The following REV3L variants were observed in gnomAD, a reference collection of about 807,000 sequenced individuals.
The protein encoded by REV3L is REV3 like, DNA directed polymerase zeta catalytic subunit.
A neutral mutation model predicts 299.4 loss-of-function variants in REV3L; 69 were observed. That is an observed-to-expected ratio of 0.23 (90% CI 0.19 to 0.28). The LOEUF (loss-of-function observed/expected upper bound fraction) is 0.28. REV3L is among the 10% of genes least tolerant of loss of function. The probability of loss-of-function intolerance (pLI) is 1.00; values close to 1 mark genes in which losing one functional copy is unlikely to be tolerated. For synonymous variants in REV3L, 1,238 were observed against 1,271.4 expected (o/e 0.97, Z 0.56); for missense variants, 3,128 against 3,693.8 (o/e 0.85, Z 3.97).
Position 111,344,063 on chromosome 6 carries a change from A to G in REV3L, c.7420-20T>C, listed in dbSNP as rs772209999. The G allele has an allele frequency of 1.3e-6, 2 of 1,505,940 alleles. No individual in the cohort carries two copies. The highest frequency in any genetic ancestry group is 1.8e-6 in the Non-Finnish European group (2 of 1,096,864). 93.3% of individuals were successfully genotyped at this position (1,505,940 alleles called of 1,614,324 possible). A position where few individuals can be genotyped will look rare whatever the true frequency, so the allele number is the denominator to read the frequency against. ...AGCCACCTAAAAAAAAAGGCAAGAC[A>G]CCATTATAATAATGCTTACATTTAT... On this transcript the variant is annotated intron_variant, in intron 20 of 31. Coordinates refer to ENST00000368802, the MANE Select transcript of REV3L (RefSeq NM_001372078.1).
chr6:111,329,566 G>C lies in REV3L; in HGVS notation c.8207C>G (p.Ser2736Cys), dbSNP rs1562130279. The C allele has an allele frequency of 6.2e-7, 1 of 1,614,094 alleles. No homozygotes were observed. Among genetic ancestry groups the C allele is most frequent in the Non-Finnish European group, 8.5e-7 (1 of 1,180,006 alleles). Reference sequence around the variant, plus strand: ...TGGCATTCTCCCAGAAAAATTAGCAGATGTATAGCCAAATGTGACATTTGC... The same window carrying C: ...TGGCATTCTCCCAGAAAAATTAGCACATGTATAGCCAAATGTGACATTTGC... ...LIANVTFGYTSANFSGRMPCI... is the reference protein window; with the variant it reads ...LIANVTFGYTCANFSGRMPCI... Residue 2736 changes from serine to cysteine, a missense_variant, in exon 25 of 32, where the codon TCT (serine) becomes TGT (cysteine). Around this residue, in one of 9 missense-constraint regions of REV3L, gnomAD observed 53 missense variants for 57.4 expected, o/e 0.92. Coordinates refer to ENST00000368802, the MANE Select transcript of REV3L (RefSeq NM_001372078.1).
At chr6:111,344,586 C>T (rs1776845438) in intron 20 of REV3L, among the ~76,000 whole-genome samples, 1 of 152,142 alleles carries the variant, frequency 6.6e-6, no homozygotes, top group African/African-American at 2.4e-5. Context: ...AATGTCTCCC[C>T]ATGTTCCAAA....
intron 1 of REV3L, among the ~76,000 whole-genome samples, chr6:111,462,419 A>C (rs1482090698): frequency 6.6e-6 from 1 of 152,210 alleles, no homozygotes; most frequent in Non-Finnish European, 1.5e-5. Context: ...CCGATCTTAA[A>C]TATGTATGGA....
intron 1 of REV3L, among the ~76,000 whole-genome samples, chr6:111,472,804 AAC>A (rs960920672): frequency 1.3e-5 from 2 of 151,972 alleles, no homozygotes; most frequent in African/African-American, 4.8e-5. Context: ...AACGACAGAA[AAC>A]ACACACACAC....
At chr6:111,308,271 C>T (rs1772566103) in intron 30 of REV3L, 1 of 453,726 alleles carries the variant, frequency 2.2e-6, no homozygotes, top group Non-Finnish European at 4.4e-6. Flanking sequence ...ATTAGGTTAG[C>T]CTCTTACAAA....
intron 1 of REV3L, among the ~76,000 whole-genome samples, chr6:111,473,097 T>C (rs1792448831): frequency 6.6e-6 from 1 of 152,220 alleles, no homozygotes; most frequent in South Asian, 2.1e-4. Context: ...ACATACCTCA[T>C]ACCATGGCCC....
At chr6:111,332,281 C>T (rs1250571735) in intron 23 of REV3L, among the ~76,000 whole-genome samples, 1 of 152,108 alleles carries the variant, frequency 6.6e-6, no homozygotes, top group Non-Finnish European at 1.5e-5. Context: ...TCATGTTAGC[C>T]AGGATGGTCT....
chr6:111,300,976 A>G (rs1419325753), intron 31 of REV3L, among the ~76,000 whole-genome samples: 2 of 152,260 alleles, frequency 1.3e-5, no homozygotes, highest in Non-Finnish European at 2.9e-5. Context: ...GAACAGAGTC[A>G]TATTTCTCTT....
intron 1 of REV3L, among the ~76,000 whole-genome samples, chr6:111,434,492 G>A (rs565536656): frequency 6.6e-5 from 10 of 151,886 alleles, no homozygotes; most frequent in South Asian, 6.2e-4. Context: ...GCTGGCGGGC[G>A]CCTGTAGTCC....
rs574664984 is a variant in REV3L, at chr6:111,318,847, G to A, written c.8352-3466C>T. 1.8e-4 allele frequency among the ~76,000 whole-genome samples: 28 copies of A among 152,126 alleles called. No individual in the cohort carries two copies. The South Asian group carries it at 4.4e-3, about 24-fold the overall frequency. On this transcript the variant is annotated intron_variant, in intron 26 of 31. Transcript: ENST00000368802. ...GCTGGGATTACAGGCATGAGCCACC[G>A]CGCCCGGCCGTATGCAACATTTAAA...
At chr6:111,307,167 CA>C (rs1015773000) in intron 31 of REV3L, among the ~76,000 whole-genome samples, 193 bp downstream of exon 31, 1 of 152,018 alleles carries the variant, frequency 6.6e-6, no homozygotes, top group African/African-American at 2.4e-5. Flanking sequence ...ATAAAAAAAA[CA>C]AAAAATAAAT....
In REV3L at chr6:111,320,731, T is replaced by C. The variant is rs1774072363; in HGVS notation, c.8351+1838A>G. 2.0e-5 allele frequency among the ~76,000 whole-genome samples: 3 copies of C among 152,274 alleles called. No individual in the cohort carries two copies. In the Middle Eastern group the frequency reaches 0.01, roughly 518 times the overall value. ...GGCATGATCATGGTTGACTACAGCC[T>C]TGAACTCCTGGGTTCAAGCGATCTT... On this transcript the variant is annotated intron_variant, in intron 26 of 31. Transcript: ENST00000368802.
chr6:111,460,533 T>C (rs923802943), intron 1 of REV3L: 2 of 152,076 alleles, frequency 1.3e-5, no homozygotes, highest in African/African-American at 4.8e-5. Flanking sequence ...TCCAGAATTC[T>C]ATATTCAGCA....
In REV3L at chr6:111,313,385, T is replaced by A; in HGVS notation, c.8571A>T (p.Thr2857=). The A allele has an allele frequency of 6.2e-7, 1 of 1,613,366 alleles. No individual in the cohort carries two copies. The highest frequency in any genetic ancestry group is 1.3e-5 in the African/African-American group (1 of 75,014). ...CAGCAGGGCAGGAATCTCTTCTGAC[T>A]GTTTCTATTCCTTTTGCATCAAATA... is the stretch of plus-strand genomic sequence containing the variant. The part of the protein sequence containing the change: ...DPVFDAKGIE[T]VRRDSCPAVS... The change falls in exon 28 of 32, where the codon ACA becomes ACT. Residue 2857 remains threonine, a synonymous_variant. Transcript: ENST00000368802.
At chr6:111,441,821 A>T (rs13213367) in intron 1 of REV3L, among the ~76,000 whole-genome samples, 2 of 152,160 alleles carry the variant, frequency 1.3e-5, no homozygotes, top group Non-Finnish European at 2.9e-5. Flanking sequence ...TTTCAGCTGT[A>T]ATCTTCTGTT....
chr6:111,390,093 G>A lies in REV3L; in HGVS notation c.750C>T (p.Asp250=). 6.3e-7 allele frequency: 1 copy of A among 1,598,986 alleles called. No homozygotes were observed. Among genetic ancestry groups the A allele is most frequent in the East Asian group, 2.2e-5 (1 of 44,718 alleles). The change falls in exon 6 of 32, where the codon GAC becomes GAT. Residue 250 remains aspartate, a synonymous_variant. Coordinates refer to ENST00000368802, the MANE Select transcript of REV3L (RefSeq NM_001372078.1). ...GAATAATTGTGTATGAACCTTCAATGTCCAGACGATTTAAGATATCAGCAG... is the reference window on the plus strand; with the variant it reads ...GAATAATTGTGTATGAACCTTCAATATCCAGACGATTTAAGATATCAGCAG... ...AVAADILNRL[D]IEAQIGGNPG... is the part of the protein sequence containing the mutation.
chr6:111,439,556 T>A (rs977485667), intron 1 of REV3L, among the ~76,000 whole-genome samples: 2 of 152,206 alleles, frequency 1.3e-5, no homozygotes, highest in Admixed American at 1.3e-4. Flanking sequence ...AAAAGCTACA[T>A]AAGTGGGTGC....
chr6:111,376,027 A>G lies in REV3L; in HGVS notation c.2328T>C (p.Tyr776=). The change falls in exon 13 of 32, where the codon TAT becomes TAC. Residue 776 remains tyrosine (Y), a synonymous_variant. Transcript: ENST00000368802. ...ESGLNKLKIR[Y]EEFQEHKTEK... The stretch of plus-strand genomic sequence containing the variant: ...CTGTTTTATGTTCTTGAAATTCTTC[A>G]TACCTAATTTTAAGTTTATTTAGTC... 6.2e-7 allele frequency: 1 copy of G among 1,613,934 alleles called. No individual in the cohort carries two copies.
rs1169090011 is a variant in REV3L, at chr6:111,299,329, G to A, written c.*687C>T. 6.6e-6 allele frequency: 1 copy of A among 152,456 alleles called. No homozygotes were observed. The highest frequency in any genetic ancestry group is 6.6e-5 in the Admixed American group (1 of 15,254). The allele number at this position is 152,456 out of a possible 1,614,324, so 9.4% of individuals were successfully genotyped here. A position where few individuals can be genotyped will look rare whatever the true frequency, so the allele number is the denominator to read the frequency against. On this transcript the variant is annotated 3_prime_UTR_variant, in exon 32 of 32. Coordinates refer to ENST00000368802, the MANE Select transcript of REV3L (RefSeq NM_001372078.1). ...TTTAAAGTATTGCAACAGGCCCACA[G>A]GTTTGTAACAAAAATGTCTTTGCAC... is the stretch of plus-strand genomic sequence containing the variant.
Sources: allele counts gnomAD v4.1 joint callset (sites outside exome capture counted in the v4.1 genomes callset), GRCh38; gene constraint gnomAD v4.1.1; regional missense constraint gnomAD v4.1.1; transcripts MANE v1.5; gene names NCBI Gene and HGNC (gene_info 2026-07-23, HGNC 2026-07-21).